The following SPOCK1 variants were observed in gnomAD, a reference collection of about 807,000 sequenced individuals.
SPOCK1 encodes SPARC (osteonectin), cwcv and kazal like domains proteoglycan 1.
Under a neutral mutation model 55.3 loss-of-function variants are expected in SPOCK1, and 23 were observed. That is an observed-to-expected ratio of 0.42 (90% CI 0.30 to 0.59). The LOEUF (loss-of-function observed/expected upper bound fraction) is 0.59, where lower values mean the gene tolerates loss of function less well. SPOCK1 is among the 20% of genes least tolerant of loss of function. The pLI, the probability that SPOCK1 is intolerant of heterozygous loss-of-function variation, is 0.22. For missense variants in SPOCK1, 499 were observed against 552.5 expected (o/e 0.90, Z 0.97); for synonymous variants, 226 against 221.0 (o/e 1.02, Z -0.20).
chr5:137,345,555 T>C (rs1191474071), intron 2 of SPOCK1, among the ~76,000 whole-genome samples: 3 of 152,362 alleles, frequency 2.0e-5, no homozygotes, highest in Non-Finnish European at 2.9e-5. Flanking sequence ...ACAGTTGTTC[T>C]GGAGCAGGGC....
At chr5:137,416,163 A>G (rs954844004) in intron 2 of SPOCK1, among the ~76,000 whole-genome samples, 18 of 148,886 alleles carry the variant, frequency 1.2e-4, no homozygotes, top group Non-Finnish European at 1.9e-4. Context: ...AACATCTTTA[A>G]AGTACTGGAA....
intron 2 of SPOCK1, among the ~76,000 whole-genome samples, chr5:137,350,826 C>G (rs1005542627): frequency 6.6e-6 from 1 of 151,626 alleles, no homozygotes; most frequent in Non-Finnish European, 1.5e-5. Context: ...TGTCCACGCA[C>G]GTGTGCGTGT....
chr5:137,251,890 A>C (rs1270054486), intron 3 of SPOCK1, among the ~76,000 whole-genome samples: 2 of 152,224 alleles, frequency 1.3e-5, no homozygotes, highest in Non-Finnish European at 2.9e-5. Context: ...ATACTCTGAC[A>C]TAATTAGGAT....
intron 3 of SPOCK1, among the ~76,000 whole-genome samples, chr5:137,183,178 G>A (rs1755003078): frequency 6.6e-6 from 1 of 152,072 alleles, no homozygotes; most frequent in Admixed American, 6.6e-5. Context: ...TCACTATGTG[G>A]CAGACACTAT....
chr5:137,227,089 T>C (rs759968636), intron 3 of SPOCK1, among the ~76,000 whole-genome samples: 1 of 152,084 alleles, frequency 6.6e-6, no homozygotes, highest in South Asian at 2.1e-4. Flanking sequence ...AAAACAGGGG[T>C]TCCAGAGAAG....
At chr5:137,200,445 C>G (rs1269907881) in intron 3 of SPOCK1, among the ~76,000 whole-genome samples, 3 of 152,148 alleles carry the variant, frequency 2.0e-5, no homozygotes, top group African/African-American at 7.2e-5. Flanking sequence ...CTTACACTAC[C>G]AGACTCTGTG....
intron 5 of SPOCK1, among the ~76,000 whole-genome samples, chr5:137,111,572 T>C (rs749786262): frequency 1.1e-4 from 16 of 152,260 alleles, no homozygotes; most frequent in Middle Eastern, 6.8e-3. Flanking sequence ...CAAACTCCTA[T>C]CAATTCTATG....
At chr5:137,036,020 G>A (rs1751878294) in intron 6 of SPOCK1, among the ~76,000 whole-genome samples, 2 of 152,172 alleles carry the variant, frequency 1.3e-5, no homozygotes, top group South Asian at 2.1e-4. Flanking sequence ...GAAAAGGGGA[G>A]GTGTCCTCAG....
chr5:137,407,465 A>G (rs1752123737), intron 2 of SPOCK1, among the ~76,000 whole-genome samples: 1 of 152,112 alleles, frequency 6.6e-6, no homozygotes, highest in Non-Finnish European at 1.5e-5. Context: ...GGTGTACCTG[A>G]GAGGGGGGAG....
At chr5:137,377,611 C>T (rs941360844) in intron 2 of SPOCK1, among the ~76,000 whole-genome samples, 1 of 152,074 alleles carries the variant, frequency 6.6e-6, no homozygotes, top group Non-Finnish European at 1.5e-5. Flanking sequence ...ACATGTACTA[C>T]TTGTGGAATA....
intron 6 of SPOCK1, among the ~76,000 whole-genome samples, chr5:136,995,906 G>A (rs1464745331): frequency 1.3e-5 from 2 of 152,194 alleles, no homozygotes; most frequent in Non-Finnish European, 2.9e-5. Flanking sequence ...AATGGAAAGA[G>A]GAGGCTCTCA....
At chr5:137,082,580 G>A (rs1752893974) in intron 5 of SPOCK1, among the ~76,000 whole-genome samples, 1 of 152,190 alleles carries the variant, frequency 6.6e-6, no homozygotes, top group African/African-American at 2.4e-5. Flanking sequence ...GGATGAGGAT[G>A]CATAACAAGC....
At chr5:137,057,543 A>G (rs1198800815) in intron 6 of SPOCK1, among the ~76,000 whole-genome samples, 2 of 152,206 alleles carry the variant, frequency 1.3e-5, no homozygotes, top group East Asian at 3.9e-4. Context: ...TGATATGACA[A>G]TGATGATAAA....
chr5:137,468,684 A>C (rs1753671717), intron 2 of SPOCK1, among the ~76,000 whole-genome samples: 1 of 152,204 alleles, frequency 6.6e-6, no homozygotes, highest in Non-Finnish European at 1.5e-5. Flanking sequence ...ACACGTTTTT[A>C]TTATGCTCAA....
chr5:137,332,807 A>G (rs1402106346), intron 2 of SPOCK1, among the ~76,000 whole-genome samples: 1 of 152,256 alleles, frequency 6.6e-6, no homozygotes, highest in Non-Finnish European at 1.5e-5. Flanking sequence ...TGTCTGCTGA[A>G]AAAATGCATA....
intron 2 of SPOCK1, among the ~76,000 whole-genome samples, chr5:137,392,687 G>T (rs970011326): frequency 3.3e-5 from 5 of 152,184 alleles, no homozygotes; most frequent in African/African-American, 4.8e-5. Flanking sequence ...TAAACACAAT[G>T]AGTTTGGCAT....
intron 2 of SPOCK1, among the ~76,000 whole-genome samples, chr5:137,269,827 T>C (rs2060428): frequency 0.68 from 103,369 of 152,004 alleles, 35,689 homozygotes; most frequent in African/African-American, 0.77. Context: ...ATAAGGATAG[T>C]TGTCAGTGGT....
intron 6 of SPOCK1, among the ~76,000 whole-genome samples, chr5:137,009,289 G>T (rs1458636206): frequency 6.6e-6 from 1 of 152,120 alleles, no homozygotes; most frequent in Non-Finnish European, 1.5e-5. Flanking sequence ...ATCTATAACA[G>T]CATTATTTGA....
intron 3 of SPOCK1, among the ~76,000 whole-genome samples, chr5:137,173,281 G>A (rs1028881083): frequency 2.0e-5 from 3 of 152,128 alleles, no homozygotes; most frequent in Non-Finnish European, 2.9e-5. Flanking sequence ...AGCCCTTAGA[G>A]TTGACCTTTT....
Sources: gnomAD v4.1 joint callset for allele counts (sites outside exome capture counted in the v4.1 genomes callset) on GRCh38, gnomAD v4.1.1 for gene constraint, MANE v1.5 for transcripts, NCBI Gene and HGNC (gene_info 2026-07-23, HGNC 2026-07-21) for gene names.